The following AR variants were observed in gnomAD, a reference collection of about 807,000 sequenced individuals.
AR encodes androgen receptor.
Under a neutral mutation model 53.9 loss-of-function variants are expected in AR, and 8 were observed. The ratio of observed to expected loss-of-function variants is 0.15; its 90% CI spans 0.09 to 0.27. The LOEUF is 0.27. Ranked by LOEUF, AR falls within the 10% of genes least tolerant of loss-of-function variation. AR has a pLI of 1.00. For missense variants in AR, 639 were observed against 742.5 expected (o/e 0.86, Z 1.62); for synonymous variants, 359 against 316.4 (o/e 1.13, Z -1.43).
At chrX:67,637,538 C>A (rs1056237961) in intron 1 of AR, among the ~76,000 whole-genome samples, 2 of 108,305 alleles carry the variant, frequency 1.8e-5, no homozygotes, top group Admixed American at 2.0e-4. Flanking sequence ...TAGTATTCCA[C>A]GGTGTATATG....
At chrX:67,585,258 CAAA>C (rs35044641) in intron 1 of AR, among the ~76,000 whole-genome samples, 10 of 63,713 alleles carry the variant, frequency 1.6e-4, no homozygotes, top group Admixed American at 1.8e-4. Flanking sequence ...GTGAGACTGT[CAAA>C]AAAAAAAAAA....
chrX:67,663,692 T>C lies in AR; in HGVS notation c.1768+20285T>C, dbSNP rs778167987. ...GGCCTGCCTTGCTAGATTGGGGAAG[T>C]TGTCCTGGATAATATCCTACAGAGT... On this transcript the variant is annotated intron_variant, in intron 2 of 7. Coordinates refer to ENST00000374690, the MANE Select transcript of AR (RefSeq NM_000044.6). Among the ~76,000 whole-genome samples the C allele has an allele frequency of 9.8e-5, 11 of 112,393 alleles. No homozygotes were observed. In the South Asian group the frequency reaches 3.3e-3, roughly 34 times the overall value.
intron 1 of AR, among the ~76,000 whole-genome samples, chrX:67,588,623 A>G (rs1051330454): frequency 3.6e-5 from 4 of 112,334 alleles, no homozygotes; most frequent in Non-Finnish European, 7.5e-5. Context: ...ATTTTCCTCT[A>G]TCAAAAAGCA....
At chrX:67,722,586 A>G (rs2076140430) in intron 6 of AR, among the ~76,000 whole-genome samples, 1 of 111,838 alleles carries the variant, frequency 8.9e-6, no homozygotes, top group African/African-American at 3.3e-5. Context: ...GTAGAAAAAG[A>G]AAAGGTTCAG....
chrX:67,662,546 A>G (rs1180371039), intron 2 of AR, among the ~76,000 whole-genome samples: 8 of 109,928 alleles, frequency 7.3e-5, no homozygotes, highest in Non-Finnish European at 1.3e-4. Context: ...ATTGCACTGT[A>G]GTCTGAGAGA....
chrX:67,701,932 G>A (rs1706469735), intron 3 of AR, among the ~76,000 whole-genome samples: 1 of 111,252 alleles, frequency 9.0e-6, no homozygotes, highest in African/African-American at 3.3e-5. Context: ...ATGAAGTTTG[G>A]AGTCAAGGGT....
intron 1 of AR, among the ~76,000 whole-genome samples, chrX:67,634,446 C>A (rs1227393755): frequency 9.0e-6 from 1 of 111,538 alleles, no homozygotes; most frequent in East Asian, 2.8e-4. Context: ...ATTTCTTTGC[C>A]CATTTTACAT....
intron 2 of AR, among the ~76,000 whole-genome samples, chrX:67,673,966 A>T: frequency 9.0e-6 from 1 of 110,741 alleles, no homozygotes; most frequent in Non-Finnish European, 1.9e-5. Context: ...AGGGATTTGG[A>T]TGCTGTGATC....
chrX:67,682,872 G>A (rs763204932), intron 2 of AR, among the ~76,000 whole-genome samples: 4 of 111,357 alleles, frequency 3.6e-5, no homozygotes, highest in South Asian at 3.8e-4. Context: ...TTATTTTTAG[G>A]ACTTACAGAA....
intron 5 of AR, among the ~76,000 whole-genome samples, chrX:67,718,433 A>G (rs1281326706): frequency 9.0e-6 from 1 of 111,491 alleles, no homozygotes. Flanking sequence ...CAGTTCTACT[A>G]TTTTCTTAGT....
intron 1 of AR, among the ~76,000 whole-genome samples, chrX:67,631,042 A>T (rs1382653435): frequency 2.7e-5 from 3 of 111,290 alleles, no homozygotes; most frequent in Non-Finnish European, 5.7e-5. Context: ...TTTGAGGGTA[A>T]CCTGACCTTT....
At position 67,686,023 on chromosome X, in the gene AR, C is replaced by T; in HGVS notation, c.1782C>T (p.Tyr594=). The T allele has an allele frequency of 8.3e-7, 1 of 1,209,344 alleles. No homozygotes were observed. Among genetic ancestry groups the T allele is most frequent in the East Asian group, 3.0e-5 (1 of 33,777 alleles). Residue 594 remains tyrosine, a synonymous_variant, in exon 3 of 8, where the codon TAC becomes TAT. Coordinates refer to ENST00000374690, the MANE Select transcript of AR (RefSeq NM_000044.6). ...TTGTTCTCCCAGGGAAACAGAAGTACCTGTGCGCCAGCAGAAATGATTGCA... is the reference window on the plus strand; with the variant it reads ...TTGTTCTCCCAGGGAAACAGAAGTATCTGTGCGCCAGCAGAAATGATTGCA... The part of the protein sequence containing the change: ...FKRAAEGKQK[Y]LCASRNDCTI...
chrX:67,695,141 A>C, intron 3 of AR: 1 of 761,534 alleles, frequency 1.3e-6, no homozygotes, highest in Non-Finnish European at 1.6e-6. Flanking sequence ...AACTTTGCTG[A>C]TGGGACTCAA....
intron 1 of AR, chrX:67,569,099 A>C: frequency 9.3e-7 from 1 of 1,072,670 alleles, no homozygotes; most frequent in East Asian, 3.1e-5. Context: ...ACTGTGACCT[A>C]ATATTACGCA....
chrX:67,686,217 G>A, intron 3 of AR, 91 bp downstream of exon 3: 2 of 978,797 alleles, frequency 2.0e-6, no homozygotes, highest in South Asian at 4.1e-5. Flanking sequence ...TTTCTTCTTT[G>A]ATGCTTCCAA....
rs765865852 is a variant in AR at position 67,660,893 on chromosome X, G to A, written c.1768+17486G>A. 2.7e-5 allele frequency among the ~76,000 whole-genome samples: 3 copies of A among 111,314 alleles called. No individual in the cohort carries two copies. In the South Asian group the frequency reaches 1.1e-3, roughly 42 times the overall value. On this transcript the variant is annotated intron_variant, in intron 2 of 7. Transcript: ENST00000374690. The stretch of plus-strand genomic sequence containing the variant: ...TTTGTATCTTCTTTTATTTCATTGA[G>A]CAGTGGTTTGTAGTTCTCCTTGAAG...
At chrX:67,552,150 C>T (rs963249819) in intron 1 of AR, among the ~76,000 whole-genome samples, 1 of 111,916 alleles carries the variant, frequency 8.9e-6, no homozygotes, top group Non-Finnish European at 1.9e-5. Context: ...TAATCACCCC[C>T]AAAGGAAACC....
At chrX:67,605,478 G>A (rs1569280437) in intron 1 of AR, among the ~76,000 whole-genome samples, 1 of 111,876 alleles carries the variant, frequency 8.9e-6, no homozygotes, top group Non-Finnish European at 1.9e-5. Flanking sequence ...TGTGTACATG[G>A]TTGTGAGATG....
chrX:67,581,427 T>C (rs920998117), intron 1 of AR, among the ~76,000 whole-genome samples: 1 of 112,030 alleles, frequency 8.9e-6, no homozygotes, highest in Non-Finnish European at 1.9e-5. Context: ...TGCAAACTTT[T>C]ATATGATTTT....
Sources: gnomAD v4.1 joint callset for allele counts (sites outside exome capture counted in the v4.1 genomes callset) on GRCh38, gnomAD v4.1.1 for gene constraint, MANE v1.5 for transcripts, NCBI Gene and HGNC (gene_info 2026-07-23, HGNC 2026-07-21) for gene names.